The following MAP2 variants were observed in gnomAD, a reference collection of about 807,000 sequenced individuals.
MAP2 encodes the protein microtubule associated protein 2, also known as microtubule-associated protein 2.
A neutral mutation model predicts 137.6 loss-of-function variants in MAP2; 14 were observed. The observed-to-expected ratio is 0.10, with a 90% confidence interval of 0.07 to 0.16. The LOEUF (loss-of-function observed/expected upper bound fraction) is 0.16. Among genes scored for constraint, MAP2 ranks in the 10% least tolerant of loss-of-function variants. The pLI is 1.00. For synonymous variants in MAP2, 786 were observed against 782.3 expected, an observed-to-expected ratio of 1.00 and a Z score of -0.08; for missense variants, 2,088 against 2,191.5, an observed-to-expected ratio of 0.95 and a Z score of 0.94.
At chr2:209,559,573 C>T (rs932642383) in intron 2 of MAP2, among the ~76,000 whole-genome samples, 3 of 149,694 alleles carry the variant, frequency 2.0e-5, no homozygotes, top group East Asian at 3.9e-4. Context: ...ATCGCTTAAA[C>T]GCGGGAGGCA....
intron 2 of MAP2, among the ~76,000 whole-genome samples, chr2:209,566,544 A>G (rs1245582264): frequency 6.6e-6 from 1 of 152,104 alleles, no homozygotes; most frequent in Non-Finnish European, 1.5e-5. Flanking sequence ...TTCTCTATCC[A>G]TGTCGCATAT....
intron 1 of MAP2, among the ~76,000 whole-genome samples, chr2:209,447,592 G>C (rs1456330965): frequency 6.6e-6 from 1 of 152,036 alleles, no homozygotes; most frequent in Non-Finnish European, 1.5e-5. Flanking sequence ...TTAAGGGACA[G>C]TCTCACATGC....
chr2:209,687,269 G>A (rs559767197), intron 7 of MAP2, among the ~76,000 whole-genome samples: 1 of 150,458 alleles, frequency 6.6e-6, no homozygotes, highest in East Asian at 1.9e-4. Context: ...TCTTACAGGC[G>A]TTAAATCCTA....
intron 1 of MAP2, among the ~76,000 whole-genome samples, chr2:209,426,585 C>A (rs373268426): frequency 6.6e-6 from 1 of 152,160 alleles, no homozygotes; most frequent in Non-Finnish European, 1.5e-5. Flanking sequence ...ACAGCCATTA[C>A]CTCATCCTAG....
intron 2 of MAP2, among the ~76,000 whole-genome samples, chr2:209,555,354 A>T (rs187351334): frequency 5.8e-4 from 89 of 152,328 alleles, no homozygotes; most frequent in Middle Eastern, 3.4e-3. Context: ...AGTTATTTTT[A>T]AAAAATTTTC....
chr2:209,694,054 C>T lies in MAP2; in HGVS notation c.1884C>T (p.Pro628=), dbSNP rs1009505982. 18 of 1,613,312 alleles carry T rather than the reference C, an allele frequency of 1.1e-5. No homozygotes were observed. In the South Asian group the frequency reaches 1.9e-4, roughly 17 times the overall value. ...KEFQTGKESQ[P]SPPAQEAGYS... ...TTCAAACAGGAAAAGAATCCCAGCC[C>T]AGTCCTCCAGCACAAGAAGCAGGGT... Residue 628 remains proline (P), a synonymous_variant, in exon 8 of 16, where the codon CCC becomes CCT. Coordinates refer to ENST00000682079, the MANE Select transcript of MAP2 (RefSeq NM_001375505.1).
chr2:209,594,440 T>C (rs2080676302), intron 3 of MAP2, among the ~76,000 whole-genome samples: 1 of 152,166 alleles, frequency 6.6e-6, no homozygotes, highest in Admixed American at 6.5e-5. Flanking sequence ...TCTAGGACTC[T>C]GTATTTGATT....
intron 1 of MAP2, among the ~76,000 whole-genome samples, chr2:209,469,296 A>G (rs1279278650): frequency 2.0e-5 from 3 of 150,172 alleles, no homozygotes; most frequent in Non-Finnish European, 2.9e-5. Context: ...TAAACTAGAT[A>G]CGATATGTTC....
At chr2:209,621,242 A>T (rs1421290133) in intron 3 of MAP2, among the ~76,000 whole-genome samples, 1 of 149,920 alleles carries the variant, frequency 6.7e-6, no homozygotes, top group Non-Finnish European at 1.5e-5. Flanking sequence ...GATTCCAGCA[A>T]CTTCAGGCAT....
intron 3 of MAP2, among the ~76,000 whole-genome samples, chr2:209,608,494 C>T (rs2085593787): frequency 6.6e-6 from 1 of 152,012 alleles, no homozygotes. Context: ...GCTATGTTGT[C>T]CAGGCTGGGA....
chr2:209,454,012 G>A (rs928324803), intron 1 of MAP2, among the ~76,000 whole-genome samples: 1 of 151,818 alleles, frequency 6.6e-6, no homozygotes, highest in South Asian at 2.1e-4. Context: ...TTAGCCAGGC[G>A]TGGTGGCGGG....
intron 1 of MAP2, among the ~76,000 whole-genome samples, chr2:209,451,601 C>CT (rs1443786071): frequency 6.6e-6 from 1 of 152,138 alleles, no homozygotes; most frequent in East Asian, 1.9e-4. Flanking sequence ...TTTCCGTAAC[C>CT]TTATCCGTAG....
intron 5 of MAP2, among the ~76,000 whole-genome samples, chr2:209,671,875 A>G (rs1226008240): frequency 6.6e-6 from 1 of 151,852 alleles, no homozygotes; most frequent in East Asian, 1.9e-4. Context: ...CGAATTCAAA[A>G]TCAAACTTAT....
intron 3 of MAP2, among the ~76,000 whole-genome samples, chr2:209,618,688 A>G (rs1001165713): frequency 3.3e-5 from 5 of 152,206 alleles, no homozygotes; most frequent in African/African-American, 9.6e-5. Flanking sequence ...TGATGGAAAT[A>G]TAAATTAGTA....
chr2:209,598,980 G>A (rs2082213279), intron 3 of MAP2, among the ~76,000 whole-genome samples: 1 of 151,958 alleles, frequency 6.6e-6, no homozygotes. Context: ...GGATGGCTGG[G>A]TCAAATGATA....
chr2:209,538,765 A>G (rs1263479134), intron 2 of MAP2, among the ~76,000 whole-genome samples: 3 of 152,166 alleles, frequency 2.0e-5, no homozygotes, highest in Non-Finnish European at 4.4e-5. Flanking sequence ...CTTTCCTAAC[A>G]TTGATGACAC....
At chr2:209,499,799 G>A (rs930905974) in intron 1 of MAP2, among the ~76,000 whole-genome samples, 1 of 152,068 alleles carries the variant, frequency 6.6e-6, no homozygotes, top group Non-Finnish European at 1.5e-5. Flanking sequence ...GAGGGAGAAT[G>A]CCGGGAGGAG....
intron 3 of MAP2, among the ~76,000 whole-genome samples, chr2:209,583,540 C>G (rs2077009675): frequency 6.6e-6 from 1 of 151,208 alleles, no homozygotes; most frequent in African/African-American, 2.4e-5. Context: ...AATAAAGAAA[C>G]AAGCAGGCAA....
At chr2:209,512,895 C>A (rs1260702610) in intron 2 of MAP2, among the ~76,000 whole-genome samples, 1 of 152,098 alleles carries the variant, frequency 6.6e-6, no homozygotes, top group African/African-American at 2.4e-5. Context: ...GACCCTCCTG[C>A]CTTGGCTTTC....
Sources: gnomAD v4.1 joint callset for allele counts (sites outside exome capture counted in the v4.1 genomes callset) on GRCh38, gnomAD v4.1.1 for gene constraint, MANE v1.5 for transcripts, NCBI Gene and HGNC (gene_info 2026-07-23, HGNC 2026-07-21) for gene names.